The following MTOR variants were observed in gnomAD, a reference collection of about 807,000 sequenced individuals.
The protein encoded by MTOR is mechanistic target of rapamycin kinase.
Under a neutral mutation model 319.8 loss-of-function variants are expected in MTOR, and 70 were observed. The ratio of observed to expected loss-of-function variants is 0.22; its 90% CI spans 0.18 to 0.27. The LOEUF is 0.27. MTOR is among the 10% of genes least tolerant of loss of function. The pLI is 1.00. For missense variants in MTOR, 1,890 were observed against 3,274.4 expected (o/e 0.58, Z 10.32); for synonymous variants, 1,183 against 1,211.4 (o/e 0.98, Z 0.49).
Position 11,139,612 on chromosome 1 carries a change from C to T in MTOR, c.4919G>A (p.Arg1640Gln), listed in dbSNP as rs573705289. The T allele has an allele frequency of 2.7e-5, 44 of 1,614,176 alleles. No homozygotes were observed. In the South Asian group the frequency reaches 3.0e-4, roughly 11 times the overall value. Reference protein sequence around the residue: ...VEDWQKILMVRSLVVSPHEDM... With the variant: ...VEDWQKILMVQSLVVSPHEDM... ...TTCATGAGGGCTGACCACAAGGGAC[C>T]GCACCATAAGGATTTTCTGCCAGTC... Residue 1640 changes from arginine (R) to glutamine (Q), a missense_variant, in exon 35 of 58, where the codon CGG (arginine) becomes CAG (glutamine). Arg to Gln is a conservative substitution (Grantham distance 43, BLOSUM62 1). Transcript: ENST00000361445.
chr1:11,147,432 C>T lies in MTOR; in HGVS notation c.4571-641G>A, dbSNP rs545981756. Among the ~76,000 whole-genome samples, 14 of 152,326 alleles carry T rather than the reference C, an allele frequency of 9.2e-5. No homozygotes were observed. The East Asian group carries it at 1.7e-3, about 19-fold the overall frequency. ...ATCCGGGAAGAGGTATTCACTTCTC[C>T]TGGTGGGGTGAGTATGTATCAAATG... is the stretch of plus-strand genomic sequence containing the variant. On this transcript the variant is annotated intron_variant, in intron 31 of 57. Transcript: ENST00000361445.
At position 11,228,887 on chromosome 1, in the gene MTOR, G is replaced by A. The variant is rs2100856692; in HGVS notation, c.2811C>T (p.Asn937=). 1 of 1,614,192 alleles carries A rather than the reference G, an allele frequency of 6.2e-7. No individual in the cohort carries two copies. ...ACTCATCCAGAGGCAAGTTTCCCAT[G>A]TTGACCAGCATTTCACTAGTGCTAT... ...SDYSTSEMLV[N]MGNLPLDEFY... The change falls in exon 19 of 58, where the codon AAC becomes AAT. Residue 937 remains asparagine, a synonymous_variant. Transcript: ENST00000361445.
intron 16 of MTOR, 136 bp from the exon 17 acceptor site, chr1:11,231,570 CA>C (rs1647017478): frequency 2.8e-6 from 3 of 1,088,144 alleles, no homozygotes; most frequent in Non-Finnish European, 3.8e-6. Flanking sequence ...AGACACTAAC[CA>C]TGAGCAGAAA....
At chr1:11,148,352 T>C (rs1177020578) in intron 31 of MTOR, among the ~76,000 whole-genome samples, 1 of 152,182 alleles carries the variant, frequency 6.6e-6, no homozygotes, top group Non-Finnish European at 1.5e-5. Context: ...CAAATCCTAC[T>C]GTGGTATAAG....
chr1:11,198,569 A>G (rs550481186), intron 28 of MTOR, among the ~76,000 whole-genome samples: 1 of 152,326 alleles, frequency 6.6e-6, no homozygotes, highest in Admixed American at 6.5e-5. Context: ...TTTAGCATTC[A>G]CATGAAGATA....
chr1:11,250,270 G>A (rs1204064056), intron 6 of MTOR, among the ~76,000 whole-genome samples: 1 of 142,558 alleles, frequency 7.0e-6, no homozygotes, highest in South Asian at 2.2e-4. Context: ...CCGGGCAGGG[G>A]GCTGACCCCC....
chr1:11,219,276 A>T (rs1646579904), intron 19 of MTOR, among the ~76,000 whole-genome samples: 1 of 152,084 alleles, frequency 6.6e-6, no homozygotes, highest in African/African-American at 2.4e-5. Flanking sequence ...CTACATATTA[A>T]GAGAAATGGT....
At chr1:11,120,493 T>C (rs1642461310) in intron 49 of MTOR, among the ~76,000 whole-genome samples, 1 of 151,406 alleles carries the variant, frequency 6.6e-6, no homozygotes, top group Non-Finnish European at 1.5e-5. Flanking sequence ...AGCCGAGATC[T>C]TGCCACTGCA....
chr1:11,183,393 G>A (rs778524335), intron 28 of MTOR, among the ~76,000 whole-genome samples: 2 of 151,848 alleles, frequency 1.3e-5, no homozygotes, highest in African/African-American at 2.4e-5. Flanking sequence ...TCAACCTCCC[G>A]AGTAGCTCAG....
At chr1:11,240,658 A>G in intron 10 of MTOR, 111 bp from the exon 11 acceptor site, 1 of 1,325,194 alleles carries the variant, frequency 7.5e-7, no homozygotes, top group Non-Finnish European at 1.0e-6. Flanking sequence ...TGTTCTTCAG[A>G]GTAGAAAGGA....
intron 25 of MTOR, among the ~76,000 whole-genome samples, chr1:11,208,391 C>T (rs770289920): frequency 2.6e-5 from 4 of 152,262 alleles, no homozygotes; most frequent in African/African-American, 4.8e-5. Context: ...CAAAGCTGGG[C>T]GTGAGCCCGT....
In MTOR at chr1:11,199,581, G is replaced by T. The variant is rs1261463690; in HGVS notation, c.4067C>A (p.Thr1356Asn). The T allele has an allele frequency of 6.2e-7, 1 of 1,614,056 alleles. No homozygotes were observed. The highest frequency in any genetic ancestry group is 8.5e-7 in the Non-Finnish European group (1 of 1,180,032). ...CATGAATTCAGCCAAGTTTAAGAGG[G>T]TCTGTGTGACTTCAGCGATGTCTTG... Reference protein sequence around the residue: ...TSQDIAEVTQTLLNLAEFMEH... With the variant: ...TSQDIAEVTQNLLNLAEFMEH... Residue 1356 changes from threonine to asparagine, a missense_variant, in exon 27 of 58, where the codon ACC (threonine) becomes AAC (asparagine). By Grantham distance (65) the Thr-to-Asn change is moderately conservative. Coordinates refer to ENST00000361445, the MANE Select transcript of MTOR (RefSeq NM_004958.4). The surrounding 1 kb of genome is among the most constrained non-coding windows in gnomAD (Gnocchi z 4.5).
rs1294997676 is a variant in MTOR at position 11,121,284 on chromosome 1, G to C, written c.6895C>G (p.Leu2299Val). ...HAVNNTAGDD[L>V]AKLLWLKSPS... ...CTTTTCAGCCACAGCAGCTTGGCCAGGTCGTCCCCAGCTGTATTATTGACG... is the reference window on the plus strand; with the variant it reads ...CTTTTCAGCCACAGCAGCTTGGCCACGTCGTCCCCAGCTGTATTATTGACG... The change falls in exon 49 of 58, where the codon CTG becomes GTG. Residue 2299 changes from leucine (L) to valine (V), a missense_variant. Around this residue, in one of 15 missense-constraint regions of MTOR, gnomAD observed 249 missense variants for 596.2 expected, o/e 0.42. Transcript: ENST00000361445. This position sits in a 1 kb window ranked among gnomAD's most constrained non-coding sequence, Gnocchi z 4.9. 3.1e-6 allele frequency: 5 copies of C among 1,613,846 alleles called. No homozygotes were observed. The highest frequency in any genetic ancestry group is 4.2e-6 in the Non-Finnish European group (5 of 1,180,046).
chr1:11,108,746 A>G (rs889754499), intron 56 of MTOR, among the ~76,000 whole-genome samples: 2 of 151,412 alleles, frequency 1.3e-5, no homozygotes, highest in African/African-American at 4.9e-5. Context: ...GAAAAAAAGA[A>G]AAATTCGGCC....
chr1:11,114,414 T>G lies in MTOR; in HGVS notation c.7204A>C (p.Thr2402Pro), dbSNP rs2100316484. 6.2e-7 allele frequency: 1 copy of G among 1,614,156 alleles called. No homozygotes were observed. The highest frequency in any genetic ancestry group is 8.5e-7 in the Non-Finnish European group (1 of 1,180,020). Residue 2402 changes from threonine (T) to proline (P), a missense_variant, in exon 53 of 58, where the codon ACA (threonine) becomes CCA (proline). Thr to Pro is a conservative substitution (Grantham distance 38). Around this residue, in one of 15 missense-constraint regions of MTOR, gnomAD observed 23 missense variants for 81.7 expected, o/e 0.28. Transcript: ENST00000361445. The stretch of plus-strand genomic sequence containing the variant: ...TGCTCTCGCAGCACCTCCATCACTG[T>G]GTGGCATGTGATTCTGTAGTTGCCA... ...LDGNYRITCH[T>P]VMEVLREHKD... is the part of the protein sequence containing the mutation.
At chr1:11,126,424 A>C (rs1266179418) in intron 46 of MTOR, among the ~76,000 whole-genome samples, 198 bp downstream of exon 46, 1 of 152,122 alleles carries the variant, frequency 6.6e-6, no homozygotes, top group Non-Finnish European at 1.5e-5. Context: ...ACATAAGCCC[A>C]ACTACATGAA....
In MTOR at chr1:11,170,748, G is replaced by A. The variant is rs563548934; in HGVS notation, c.4254-3231C>T. On this transcript the variant is annotated intron_variant, in intron 28 of 57. Transcript: ENST00000361445. Reference sequence around the variant, plus strand: ...GTTGCCCAGGCTGGAGTGCAGTGGTGTGATCTCAGTTCACTGCAACCCCTG... The same window carrying A: ...GTTGCCCAGGCTGGAGTGCAGTGGTATGATCTCAGTTCACTGCAACCCCTG... Among the ~76,000 whole-genome samples the A allele has an allele frequency of 2.7e-5, 4 of 149,726 alleles. No individual in the cohort carries two copies. The East Asian group carries it at 7.9e-4, about 29-fold the overall frequency.
At chr1:11,200,145 C>T (rs1209901100) in intron 26 of MTOR, among the ~76,000 whole-genome samples, 1 of 152,186 alleles carries the variant, frequency 6.6e-6, no homozygotes, top group Non-Finnish European at 1.5e-5. Flanking sequence ...GGACTTCTAA[C>T]ATAGAAGTTG....
chr1:11,128,034 G>A lies in MTOR; in HGVS notation c.6003C>T (p.His2001=), dbSNP rs550643173. ...ANKILKNMCE[H]SNTLVQQAMM... ...TGGCCTGCTGGACCAGGGTGTTGCT[G>A]TGCTCACACATGTTCTTCAGAATCT... Residue 2001 remains histidine, a synonymous_variant, in exon 43 of 58, where the codon CAC becomes CAT. Transcript: ENST00000361445. This position sits in a 1 kb window ranked among gnomAD's most constrained non-coding sequence, Gnocchi z 5.3. 4 of 1,614,022 alleles carry A rather than the reference G, an allele frequency of 2.5e-6. No individual in the cohort carries two copies. The highest frequency in any genetic ancestry group is 1.3e-5 in the African/African-American group (1 of 74,930).
Sources: allele counts gnomAD v4.1 joint callset (sites outside exome capture counted in the v4.1 genomes callset), GRCh38; gene constraint gnomAD v4.1.1; regional missense constraint gnomAD v4.1.1; non-coding constraint Gnocchi (gnomAD v3.1); transcripts MANE v1.5; gene names NCBI Gene and HGNC (gene_info 2026-07-23, HGNC 2026-07-21).